Variants in HERC5 observed in about 807,000 individuals in gnomAD.
HERC5 encodes HECT and RLD domain containing E3 ubiquitin protein ligase 5.
A neutral mutation model predicts 119.6 loss-of-function variants in HERC5; 99 were observed. That is an observed-to-expected ratio of 0.83 (90% confidence interval 0.70 to 0.98). The LOEUF is 0.98. Ranked by LOEUF, HERC5 falls within the 50% of genes least tolerant of loss-of-function variation. The pLI, the probability that HERC5 is intolerant of heterozygous loss-of-function variation, is 0.00. For synonymous variants in HERC5, 478 were observed against 445.9 expected, an observed-to-expected ratio of 1.07 and a Z score of -0.91; for missense variants, 1,267 against 1,241.3, an observed-to-expected ratio of 1.02 and a Z score of -0.31.
intron 3 of HERC5, among the ~76,000 whole-genome samples, chr4:88,460,585 A>G (rs1448840100): frequency 6.6e-6 from 1 of 152,150 alleles, no homozygotes; most frequent in African/African-American, 2.4e-5. Context: ...ACGTTTTAAC[A>G]TTGCTTTTGA....
In HERC5 at chr4:88,457,187, C is replaced by G. The variant is rs1740173600; in HGVS notation, c.-83C>G. 1 of 1,238,326 alleles carries G rather than the reference C, an allele frequency of 8.1e-7. No homozygotes were observed. The highest frequency in any genetic ancestry group is 1.0e-6 in the Non-Finnish European group (1 of 990,326). The allele number at this position is 1,238,326 out of a possible 1,614,324, so 76.7% of individuals were successfully genotyped here. ...AGCTGGTTCCCGCTCTGCAGCGCAA[C>G]GCCTGAGGCAGTGGGCGCGCTCAGT... On this transcript the variant is annotated 5_prime_UTR_variant, in exon 1 of 23. Coordinates refer to ENST00000264350, the MANE Select transcript of HERC5 (RefSeq NM_016323.4).
At position 88,462,189 on chromosome 4, in the gene HERC5, G is replaced by A. The variant is rs747789900; in HGVS notation, c.521G>A (p.Arg174Lys). ...QNLHGQLGVG[R>K]KFPSTTTPQI... ...CTGCATGGGCAGCTTGGAGTTGGAA[G>A]GAAATTTCCCTCAACCACCACACCA... is the stretch of plus-strand genomic sequence containing the variant. Residue 174 changes from arginine to lysine, a missense_variant, in exon 4 of 23, where the codon AGG becomes AAG. Physicochemically the swap from Arg to Lys is conservative, Grantham distance 26. Transcript: ENST00000264350. 6.2e-6 allele frequency: 10 copies of A among 1,614,124 alleles called. No homozygotes were observed. The highest frequency in any genetic ancestry group is 1.6e-4 in the Middle Eastern group (1 of 6,062).
intron 18 of HERC5, among the ~76,000 whole-genome samples, chr4:88,497,277 C>T (rs538763225): frequency 6.6e-6 from 1 of 152,276 alleles, no homozygotes; most frequent in African/African-American, 2.4e-5. Flanking sequence ...TAGAGCAGTT[C>T]TGGCAAGGGC....
chr4:88,491,901 G>A lies in HERC5; in HGVS notation c.2134-1111G>A, dbSNP rs538905372. Reference sequence around the variant, plus strand: ...GTTATGATAGCATCCTCTTGGGAGGGATTGGTGTCAGCAGTAGGGGTGCAG... The same window carrying A: ...GTTATGATAGCATCCTCTTGGGAGGAATTGGTGTCAGCAGTAGGGGTGCAG... On this transcript the variant is annotated intron_variant, in intron 16 of 22. Coordinates refer to ENST00000264350, the MANE Select transcript of HERC5 (RefSeq NM_016323.4). 5.3e-5 allele frequency among the ~76,000 whole-genome samples: 8 copies of A among 152,274 alleles called. No individual in the cohort carries two copies. The South Asian group carries it at 1.7e-3, about 32-fold the overall frequency.
intron 12 of HERC5, among the ~76,000 whole-genome samples, chr4:88,476,911 CTCCG>C (rs1741082549): frequency 6.6e-6 from 1 of 150,650 alleles, no homozygotes; most frequent in Non-Finnish European, 1.5e-5. Flanking sequence ...CAGAGTGAGA[CTCCG>C]TCCCAAAAAA....
chr4:88,486,245 T>G lies in HERC5; in HGVS notation c.1851+17T>G. On this transcript the variant is annotated intron_variant, in intron 14 of 22. Coordinates refer to ENST00000264350, the MANE Select transcript of HERC5 (RefSeq NM_016323.4). ...ATGACTGTGGTAGGTATAGCATGTTTAAAGGGGGAAATTGATAATCAGTGA... is the reference window on the plus strand; with the variant it reads ...ATGACTGTGGTAGGTATAGCATGTTGAAAGGGGGAAATTGATAATCAGTGA... The G allele has an allele frequency of 7.0e-7, 1 of 1,428,830 alleles. No homozygotes were observed. The highest frequency in any genetic ancestry group is 9.8e-7 in the Non-Finnish European group (1 of 1,023,388). The allele number at this position is 1,428,830 out of a possible 1,614,324, so 88.5% of individuals were successfully genotyped here.
intron 14 of HERC5, among the ~76,000 whole-genome samples, chr4:88,486,672 G>A (rs1175086779): frequency 6.6e-6 from 1 of 152,156 alleles, no homozygotes; most frequent in African/African-American, 2.4e-5. Context: ...TTTCTCTGAA[G>A]GTTATAATTC....
At chr4:88,478,350 G>T (rs1021779066) in intron 12 of HERC5, among the ~76,000 whole-genome samples, 1 of 151,984 alleles carries the variant, frequency 6.6e-6, no homozygotes, top group Non-Finnish European at 1.5e-5. Flanking sequence ...AACAATCTAA[G>T]TAAAATTACG....
At chr4:88,459,519 A>G in intron 2 of HERC5, 49 bp downstream of exon 2, 2 of 1,166,508 alleles carry the variant, frequency 1.7e-6, no homozygotes, top group Non-Finnish European at 2.4e-6. Flanking sequence ...TCAAAAGACA[A>G]TAATAATTTC....
chr4:88,501,114 G>T lies in HERC5; in HGVS notation c.2582+129G>T, dbSNP rs974831377. The T allele has an allele frequency of 4.8e-6, 3 of 622,876 alleles. No homozygotes were observed. The Admixed American group carries it at 9.7e-5, about 20-fold the overall frequency. The allele number at this position is 622,876 out of a possible 1,614,324, so 38.6% of individuals were successfully genotyped here. A position where few individuals can be genotyped will look rare whatever the true frequency, so the allele number is the denominator to read the frequency against. On this transcript the variant is annotated intron_variant, in intron 20 of 22. Transcript: ENST00000264350. Reference sequence around the variant, plus strand: ...ATTTTTCACTAAGGCAGAGAAGTTGGTGTGTGTTGTATGTGTTTTGACATA... The same window carrying T: ...ATTTTTCACTAAGGCAGAGAAGTTGTTGTGTGTTGTATGTGTTTTGACATA...
intron 6 of HERC5, among the ~76,000 whole-genome samples, chr4:88,464,318 C>T (rs1740569034): frequency 6.6e-6 from 1 of 151,798 alleles, no homozygotes; most frequent in African/African-American, 2.4e-5. Flanking sequence ...AAATGTAAAT[C>T]ACAAAGGATT....
At position 88,496,195 on chromosome 4, in the gene HERC5, T is replaced by G. The variant is rs79718711; in HGVS notation, c.2444+1864T>G. On this transcript the variant is annotated intron_variant, in intron 18 of 22. Transcript: ENST00000264350. Reference sequence around the variant, plus strand: ...ATGAACTCTGTAAAGGCCCAAGGATTCCCAAGAATTGCTGGTCTGGCTCAC... The same window carrying G: ...ATGAACTCTGTAAAGGCCCAAGGATGCCCAAGAATTGCTGGTCTGGCTCAC... 1.5e-3 allele frequency among the ~76,000 whole-genome samples: 225 copies of G among 152,312 alleles called. 4 individuals are homozygous for G. The East Asian group carries it at 0.04, about 27-fold the overall frequency.
chr4:88,484,992 C>T (rs1006730867), intron 13 of HERC5, among the ~76,000 whole-genome samples: 1 of 151,374 alleles, frequency 6.6e-6, no homozygotes, highest in African/African-American at 2.4e-5. Flanking sequence ...AGAAAAAAAT[C>T]TGCCATACTA....
chr4:88,500,235 C>T (rs576174304), intron 19 of HERC5, among the ~76,000 whole-genome samples: 83 of 152,300 alleles, frequency 5.4e-4, no homozygotes, highest in African/African-American at 1.8e-3. Flanking sequence ...CCGACTTGGC[C>T]AGGCTGGATG....
intron 1 of HERC5, 104 bp from the exon 2 acceptor site, chr4:88,459,243 A>G (rs1359224526): frequency 1.1e-6 from 1 of 939,710 alleles, no homozygotes; most frequent in African/African-American, 1.7e-5. Context: ...AAGCTTGTCT[A>G]GTTGAAATTT....
chr4:88,457,148 A>G lies in HERC5; in HGVS notation c.-122A>G. 4 of 1,232,248 alleles carry G rather than the reference A, an allele frequency of 3.2e-6. No homozygotes were observed. Among genetic ancestry groups the G allele is most frequent in the Non-Finnish European group, 4.0e-6 (4 of 987,726 alleles). The allele number at this position is 1,232,248 out of a possible 1,614,324, so 76.3% of individuals were successfully genotyped here. On this transcript the variant is annotated 5_prime_UTR_variant, in exon 1 of 23. Transcript: ENST00000264350. ...GCTGAGGCTGCGGTTCCCCGACGCC[A>G]CGCAGCTGCGCGCAGCTGGTTCCCG...
At chr4:88,476,525 G>T (rs574605138) in intron 12 of HERC5, among the ~76,000 whole-genome samples, 1 of 152,288 alleles carries the variant, frequency 6.6e-6, no homozygotes, top group East Asian at 1.9e-4. Context: ...TGTCATTTGT[G>T]CTTTCTGTTT....
chr4:88,498,947 C>CACAAAA (rs1401291297), intron 18 of HERC5, among the ~76,000 whole-genome samples: 3 of 152,146 alleles, frequency 2.0e-5, no homozygotes, highest in Non-Finnish European at 2.9e-5. Context: ...CCGCCTTCCC[C>CACAAAA]ACAAAAACAA....
In HERC5 at chr4:88,493,132, T is replaced by C. The variant is rs149523231; in HGVS notation, c.2254T>C (p.Ser752Pro). The C allele has an allele frequency of 6.8e-5, 110 of 1,613,744 alleles. No homozygotes were observed. The highest frequency in any genetic ancestry group is 5.3e-5 in the Non-Finnish European group (63 of 1,179,876). ...YGMFMYPEGA[S>P]CMWFPVKPKF... Reference sequence around the variant, plus strand: ...GATGTTCATGTATCCTGAAGGGGCTTCCTGCATGTGGTTTCCTGTCAAGGT... The same window carrying C: ...GATGTTCATGTATCCTGAAGGGGCTCCCTGCATGTGGTTTCCTGTCAAGGT... The change falls in exon 17 of 23, where the codon TCC becomes CCC. Residue 752 changes from serine (S) to proline (P), a missense_variant. By Grantham distance (74) the Ser-to-Pro change is moderately conservative. This residue lies in a region of HERC5 where 473 missense variants were observed against 445.7 expected (regional missense o/e 1.06). Coordinates refer to ENST00000264350, the MANE Select transcript of HERC5 (RefSeq NM_016323.4).
Sources: gnomAD v4.1 joint callset for allele counts (sites outside exome capture counted in the v4.1 genomes callset) on GRCh38, gnomAD v4.1.1 for gene constraint, gnomAD v4.1.1 regional missense constraint, MANE v1.5 for transcripts, NCBI Gene and HGNC (gene_info 2026-07-23, HGNC 2026-07-21) for gene names.